The following SLC39A11 variants were observed in gnomAD, a reference collection of about 807,000 sequenced individuals.
SLC39A11 encodes zinc transporter ZIP11.
SLC39A11 carries 33 observed loss-of-function variants against 36.1 expected under a neutral mutation model. The observed-to-expected ratio is 0.91, with a 90% CI of 0.69 to 1.22. The LOEUF (loss-of-function observed/expected upper bound fraction) is 1.22. Ranked by LOEUF, SLC39A11 falls within the 50% of genes most tolerant of loss-of-function variation. The pLI is 0.00. For missense variants in SLC39A11, 432 were observed against 430.3 expected (o/e 1.00, Z -0.03); for synonymous variants, 166 against 170.3 (o/e 0.97, Z 0.20).
At chr17:72,820,379 T>A (rs1398562636) in intron 6 of SLC39A11, among the ~76,000 whole-genome samples, 1 of 151,206 alleles carries the variant, frequency 6.6e-6, no homozygotes, top group Non-Finnish European at 1.5e-5. Context: ...TTAAGCAAAG[T>A]GAAACAAGAG....
At chr17:72,890,773 G>A (rs1280775810) in intron 5 of SLC39A11, among the ~76,000 whole-genome samples, 1 of 152,160 alleles carries the variant, frequency 6.6e-6, no homozygotes, top group East Asian at 1.9e-4. Flanking sequence ...TGAGATTCCA[G>A]GAGAGAATGC....
At chr17:72,912,581 C>G (rs568747750) in intron 5 of SLC39A11, among the ~76,000 whole-genome samples, 1 of 152,084 alleles carries the variant, frequency 6.6e-6, no homozygotes, top group East Asian at 1.9e-4. Context: ...AGCCTGCCAC[C>G]ACACCAAGCT....
chr17:72,886,854 G>A (rs939155853), intron 5 of SLC39A11, among the ~76,000 whole-genome samples: 1 of 152,132 alleles, frequency 6.6e-6, no homozygotes, highest in African/African-American at 2.4e-5. Context: ...TCTGACTGGA[G>A]TGCTCCCTCC....
At chr17:72,766,364 C>G (rs1359150442) in intron 6 of SLC39A11, among the ~76,000 whole-genome samples, 2 of 152,168 alleles carry the variant, frequency 1.3e-5, no homozygotes, top group Non-Finnish European at 2.9e-5. Flanking sequence ...TCAACAGGAC[C>G]TTTTAAAAAC....
intron 5 of SLC39A11, among the ~76,000 whole-genome samples, chr17:72,928,241 A>G (rs1016536309): frequency 1.3e-5 from 2 of 152,252 alleles, no homozygotes; most frequent in Admixed American, 6.5e-5. Context: ...GGCAGAGACC[A>G]AGTTCACTAA....
At chr17:72,741,963 A>T (rs1011120581) in intron 6 of SLC39A11, among the ~76,000 whole-genome samples, 3 of 152,158 alleles carry the variant, frequency 2.0e-5, no homozygotes, top group African/African-American at 7.2e-5. Context: ...GCACTTTGGG[A>T]GGCCGAGGTA....
chr17:72,649,197 G>A lies in SLC39A11; in HGVS notation c.743C>T (p.Ala248Val). Residue 248 changes from alanine (A) to valine (V), a missense_variant, in exon 8 of 10, where the codon GCA becomes GTA. Transcript: ENST00000255559. ...GAAAGCTCTCCAGGTGGAGAAGCCT[G>A]CCCCTCGCAAGGGAAGGCTGACAGC... ...GLAVSLPLRG[A>V]GFSTWRAFWY... 2 of 1,614,192 alleles carry A rather than the reference G, an allele frequency of 1.2e-6. No individual in the cohort carries two copies. The highest frequency in any genetic ancestry group is 1.7e-6 in the Non-Finnish European group (2 of 1,180,006).
intron 4 of SLC39A11, among the ~76,000 whole-genome samples, chr17:72,976,011 A>C (rs1311898854): frequency 6.6e-6 from 1 of 151,800 alleles, no homozygotes; most frequent in Non-Finnish European, 1.5e-5. Context: ...TCTACTAAAA[A>C]TACAAAAAAT....
intron 3 of SLC39A11, among the ~76,000 whole-genome samples, chr17:73,034,698 G>C (rs190472178): frequency 6.6e-6 from 1 of 152,246 alleles, no homozygotes; most frequent in East Asian, 1.9e-4. Flanking sequence ...CATCACTTGA[G>C]AGACGTCCCC....
At chr17:72,963,494 C>T (rs900638638) in intron 4 of SLC39A11, among the ~76,000 whole-genome samples, 24 of 151,126 alleles carry the variant, frequency 1.6e-4, no homozygotes, top group Admixed American at 2.6e-4. Flanking sequence ...TTCTTAAGGG[C>T]CATCTCAGAT....
intron 6 of SLC39A11, among the ~76,000 whole-genome samples, chr17:72,784,303 C>G (rs1425017246): frequency 2.6e-5 from 4 of 152,098 alleles, no homozygotes; most frequent in Admixed American, 6.5e-5. Flanking sequence ...AGAGATGGCA[C>G]CACGATACGC....
At chr17:72,786,350 T>C (rs1454018490) in intron 6 of SLC39A11, among the ~76,000 whole-genome samples, 1 of 152,350 alleles carries the variant, frequency 6.6e-6, no homozygotes, top group East Asian at 1.9e-4. Flanking sequence ...CCACAGCCTA[T>C]GCCAACAAAA....
intron 6 of SLC39A11, among the ~76,000 whole-genome samples, chr17:72,796,739 A>C: frequency 6.6e-6 from 1 of 152,228 alleles, no homozygotes; most frequent in African/African-American, 2.4e-5. Context: ...AGCACTGACT[A>C]AGTGCAATTC....
chr17:72,723,502 C>A (rs781503081), intron 7 of SLC39A11, among the ~76,000 whole-genome samples: 12 of 152,162 alleles, frequency 7.9e-5, no homozygotes, highest in Non-Finnish European at 1.5e-4. Context: ...ACACACACAA[C>A]CATCACCCTA....
At chr17:72,664,277 T>C (rs2070623310) in intron 7 of SLC39A11, 1 of 152,252 alleles carries the variant, frequency 6.6e-6, no homozygotes, top group Non-Finnish European at 1.5e-5. Flanking sequence ...AGCCATGGAC[T>C]GAAGGACACG....
intron 7 of SLC39A11, among the ~76,000 whole-genome samples, chr17:72,716,217 C>G (rs1253193996): frequency 6.6e-6 from 1 of 152,064 alleles, no homozygotes; most frequent in Non-Finnish European, 1.5e-5. Flanking sequence ...CCCCAGCACT[C>G]CATTCTGGAC....
intron 6 of SLC39A11, among the ~76,000 whole-genome samples, chr17:72,771,192 C>A (rs1370332072): frequency 6.6e-6 from 1 of 151,882 alleles, no homozygotes; most frequent in African/African-American, 2.4e-5. Flanking sequence ...CAAGACCAGC[C>A]TGGGCAACAT....
chr17:72,709,860 AG>A (rs2073045087), intron 7 of SLC39A11, among the ~76,000 whole-genome samples: 1 of 152,244 alleles, frequency 6.6e-6, no homozygotes, highest in African/African-American at 2.4e-5. Context: ...AAGTTTTCCC[AG>A]GATATGTCAC....
In SLC39A11 at chr17:72,975,131, G is replaced by T. The variant is rs985070129; in HGVS notation, c.307-27256C>A. 5.9e-5 allele frequency among the ~76,000 whole-genome samples: 9 copies of T among 152,150 alleles called. No individual in the cohort carries two copies. The East Asian group carries it at 1.5e-3, about 26-fold the overall frequency. On this transcript the variant is annotated intron_variant, in intron 4 of 9. Transcript: ENST00000255559. ...GGCCTTTGGGAGATGATTAGGTCCA[G>T]GGTTAGTGCCCTTATAAAGAGGTCC... is the stretch of plus-strand genomic sequence containing the variant.
Sources: allele counts gnomAD v4.1 joint callset (sites outside exome capture counted in the v4.1 genomes callset), GRCh38; gene constraint gnomAD v4.1.1; transcripts MANE v1.5; gene names NCBI Gene and HGNC (gene_info 2026-07-23, HGNC 2026-07-21).